Variants in DLGAP1 observed in about 807,000 individuals in gnomAD.
DLGAP1 encodes the protein DLG associated protein 1.
DLGAP1 carries 11 observed loss-of-function variants against 90.8 expected under a neutral mutation model. That is an observed-to-expected ratio of 0.12 (90% confidence interval 0.08 to 0.20). The LOEUF is 0.20. Among genes scored for constraint, DLGAP1 ranks in the 10% least tolerant of loss-of-function variants. DLGAP1 has a pLI of 1.00. For missense variants in DLGAP1, 1,050 were observed against 1,333.8 expected (o/e 0.79, Z 3.31); for synonymous variants, 558 against 540.7 (o/e 1.03, Z -0.44).
At chr18:3,928,838 C>T (rs1365414201) in intron 3 of DLGAP1, among the ~76,000 whole-genome samples, 1 of 152,150 alleles carries the variant, frequency 6.6e-6, no homozygotes, top group Non-Finnish European at 1.5e-5. Context: ...CTCTGTGTCC[C>T]TTCCCAAATC....
intron 1 of DLGAP1, among the ~76,000 whole-genome samples, chr18:4,336,858 C>T (rs536260412): frequency 1.3e-5 from 2 of 149,750 alleles, no homozygotes; most frequent in South Asian, 2.1e-4. Flanking sequence ...GTTAGCATTA[C>T]GGTATCTAGA....
intron 2 of DLGAP1, among the ~76,000 whole-genome samples, chr18:4,060,227 T>C (rs2075279922): frequency 1.3e-5 from 2 of 152,280 alleles, no homozygotes; most frequent in South Asian, 2.1e-4. Flanking sequence ...GGAAGTAAAA[T>C]GATAAATTTC....
chr18:3,849,358 G>T (rs144370260), intron 4 of DLGAP1, among the ~76,000 whole-genome samples: 1 of 152,152 alleles, frequency 6.6e-6, no homozygotes, highest in African/African-American at 2.4e-5. Context: ...ATTCACTGTG[G>T]AGAGAACTGA....
At chr18:4,314,259 A>C (rs2080472724) in intron 1 of DLGAP1, among the ~76,000 whole-genome samples, 1 of 152,196 alleles carries the variant, frequency 6.6e-6, no homozygotes, top group Admixed American at 6.5e-5. Context: ...CTTTGACTGG[A>C]GGACACCAGC....
chr18:3,596,963 A>T (rs766833834), intron 7 of DLGAP1: 4 of 519,984 alleles, frequency 7.7e-6, no homozygotes, highest in Non-Finnish European at 1.5e-5. Context: ...CGTCCACCCG[A>T]TGTCCCCCAT....
intron 3 of DLGAP1, among the ~76,000 whole-genome samples, chr18:3,899,260 G>A (rs991646044): frequency 3.3e-5 from 5 of 152,130 alleles, no homozygotes; most frequent in Admixed American, 3.3e-4. Context: ...ACTGCTGAAG[G>A]GGTTTGCTTC....
At chr18:4,183,124 A>G (rs2077235405) in intron 1 of DLGAP1, among the ~76,000 whole-genome samples, 1 of 152,178 alleles carries the variant, frequency 6.6e-6, no homozygotes. Context: ...GCTTTTTAGG[A>G]AGAAAATACA....
At chr18:3,741,861 G>A (rs1192663062) in intron 6 of DLGAP1, among the ~76,000 whole-genome samples, 2 of 147,418 alleles carry the variant, frequency 1.4e-5, no homozygotes, top group Non-Finnish European at 3.0e-5. Flanking sequence ...TTTTTTAACA[G>A]AGAAAGAGTC....
chr18:3,521,084 G>A (rs777379163), intron 10 of DLGAP1, among the ~76,000 whole-genome samples: 9 of 152,134 alleles, frequency 5.9e-5, no homozygotes, highest in African/African-American at 1.4e-4. Flanking sequence ...CCACTTTCTC[G>A]AATTTGTGAC....
chr18:3,922,980 A>T (rs1458769199), intron 3 of DLGAP1, among the ~76,000 whole-genome samples: 2 of 151,946 alleles, frequency 1.3e-5, no homozygotes, highest in South Asian at 4.2e-4. Flanking sequence ...CCAAAAATAT[A>T]AAAATTAGCT....
intron 2 of DLGAP1, among the ~76,000 whole-genome samples, chr18:4,073,306 C>T (rs1252118888): frequency 1.3e-5 from 2 of 152,124 alleles, no homozygotes; most frequent in East Asian, 3.9e-4. Flanking sequence ...GCAAAATAGA[C>T]TCTAAGGTAA....
intron 7 of DLGAP1, among the ~76,000 whole-genome samples, chr18:3,683,103 G>A (rs1422371207): frequency 1.3e-5 from 2 of 151,940 alleles, no homozygotes; most frequent in Admixed American, 6.6e-5. Flanking sequence ...TGATCCACCC[G>A]CCTCAGCCTC....
intron 5 of DLGAP1, among the ~76,000 whole-genome samples, chr18:3,784,259 T>G (rs113211995): frequency 6.6e-6 from 1 of 152,174 alleles, no homozygotes; most frequent in East Asian, 1.9e-4. Flanking sequence ...TTGGCCTGTT[T>G]AGGCGCACAA....
At chr18:3,676,361 A>G (rs1011050355) in intron 7 of DLGAP1, among the ~76,000 whole-genome samples, 4 of 152,170 alleles carry the variant, frequency 2.6e-5, no homozygotes, top group Admixed American at 6.5e-5. Flanking sequence ...CACATCCACC[A>G]CTGGCAGGTC....
rs3223621 is a variant in DLGAP1 at position 3,672,201 on chromosome 18, G to GACACACACACAC, written c.1591+56922_1591+56933dup. 3.1e-3 allele frequency among the ~76,000 whole-genome samples: 449 copies of GACACACACACAC among 143,576 alleles called. 1 individual carries two copies. The highest frequency in any genetic ancestry group is 8.7e-3 in the African/African-American group (341 of 39,140). The allele number at this position is 143,576 out of a possible 152,430, so 94.2% of individuals were successfully genotyped here. On this transcript the variant is annotated intron_variant, in intron 7 of 12. Coordinates refer to ENST00000315677, the MANE Select transcript of DLGAP1 (RefSeq NM_004746.4). ...TTACTAATCATTCAACTGCTGATTA[G>GACACACACACAC]ACACACACACACACACACACACACA...
At chr18:4,116,074 G>A (rs1256003961) in intron 2 of DLGAP1, among the ~76,000 whole-genome samples, 1 of 152,064 alleles carries the variant, frequency 6.6e-6, no homozygotes, top group Non-Finnish European at 1.5e-5. Context: ...TTCTTGTAAG[G>A]GGGTTAACAA....
At chr18:4,013,827 A>G (rs889775211) in intron 2 of DLGAP1, 1 of 152,220 alleles carries the variant, frequency 6.6e-6, no homozygotes, top group Non-Finnish European at 1.5e-5. Context: ...TGATTGAGTA[A>G]TCTATTCTCT....
intron 1 of DLGAP1, among the ~76,000 whole-genome samples, chr18:4,199,497 G>C (rs112842348): frequency 0.013 from 2,005 of 152,262 alleles, 43 homozygotes; most frequent in African/African-American, 0.041. Context: ...TAAGATAACT[G>C]TGAATAATCC....
intron 3 of DLGAP1, among the ~76,000 whole-genome samples, chr18:3,971,793 A>G (rs2073455688): frequency 6.6e-6 from 1 of 152,232 alleles, no homozygotes; most frequent in Non-Finnish European, 1.5e-5. Context: ...TAAAACTTAA[A>G]CCTGGCAAAT....
Sources: allele counts gnomAD v4.1 joint callset (sites outside exome capture counted in the v4.1 genomes callset), GRCh38; gene constraint gnomAD v4.1.1; transcripts MANE v1.5; gene names NCBI Gene and HGNC (gene_info 2026-07-23, HGNC 2026-07-21).